ZNF804A: variants seen among roughly 807,000 people sequenced by gnomAD.
ZNF804A encodes the protein zinc finger protein 804A.
A neutral mutation model predicts 16.5 loss-of-function variants in ZNF804A; 2 were observed. The ratio of observed to expected loss-of-function variants is 0.12; its 90% CI spans 0.05 to 0.38. The LOEUF is 0.38. Ranked by LOEUF, ZNF804A falls within the 10% of genes least tolerant of loss-of-function variation. The pLI, the probability that ZNF804A is intolerant of heterozygous loss-of-function variation, is 0.99. For missense variants in ZNF804A, 1,473 were observed against 1,390.7 expected (o/e 1.06, Z -0.94); for synonymous variants, 534 against 489.6 (o/e 1.09, Z -1.20).
intron 1 of ZNF804A, among the ~76,000 whole-genome samples, chr2:184,726,019 T>C (rs1052803537): frequency 6.6e-6 from 1 of 151,736 alleles, no homozygotes; most frequent in Non-Finnish European, 1.5e-5. Flanking sequence ...CACAGTTTGC[T>C]TAAACATTCA....
chr2:184,638,879 C>A (rs1691745642), intron 1 of ZNF804A, among the ~76,000 whole-genome samples: 1 of 152,066 alleles, frequency 6.6e-6, no homozygotes, highest in Non-Finnish European at 1.5e-5. Flanking sequence ...CTTCATGAGG[C>A]CTCCATTCCC....
intron 1 of ZNF804A, among the ~76,000 whole-genome samples, chr2:184,819,193 A>C (rs1695032543): frequency 6.6e-6 from 1 of 151,886 alleles, no homozygotes. Flanking sequence ...CAGCAAATGC[A>C]AAAGAAAGGA....
At chr2:184,865,172 G>A (rs192364419) in intron 1 of ZNF804A, among the ~76,000 whole-genome samples, 43 of 152,082 alleles carry the variant, frequency 2.8e-4, no homozygotes, top group Admixed American at 7.2e-4. Context: ...GAGCCACGGC[G>A]CCAGGCCTAG....
chr2:184,722,497 AAC>A (rs1360883376), intron 1 of ZNF804A, among the ~76,000 whole-genome samples: 1 of 152,028 alleles, frequency 6.6e-6, no homozygotes, highest in Non-Finnish European at 1.5e-5. Flanking sequence ...TCTATAAATA[AAC>A]ACAATGAATC....
chr2:184,844,395 G>A (rs1337870018), intron 1 of ZNF804A, among the ~76,000 whole-genome samples: 4 of 152,100 alleles, frequency 2.6e-5, no homozygotes, highest in Admixed American at 2.0e-4. Flanking sequence ...AGTTTTTGCA[G>A]GGCACATTTG....
At chr2:184,886,253 C>T (rs1480320822) in intron 2 of ZNF804A, among the ~76,000 whole-genome samples, 2 of 152,232 alleles carry the variant, frequency 1.3e-5, no homozygotes, top group African/African-American at 4.8e-5. Flanking sequence ...TCCTTTGACT[C>T]CAGGTCTCAC....
intron 1 of ZNF804A, among the ~76,000 whole-genome samples, chr2:184,758,573 T>C (rs551241781): frequency 6.6e-6 from 1 of 152,086 alleles, no homozygotes; most frequent in East Asian, 1.9e-4. Context: ...AACAACAAAG[T>C]TACAAAGTTA....
chr2:184,725,065 T>A (rs1429929777), intron 1 of ZNF804A, among the ~76,000 whole-genome samples: 2 of 151,736 alleles, frequency 1.3e-5, no homozygotes, highest in Non-Finnish European at 3.0e-5. Context: ...CACTATTGAA[T>A]ATTAGAATAA....
intron 1 of ZNF804A, among the ~76,000 whole-genome samples, chr2:184,703,517 C>G (rs558512802): frequency 1.3e-5 from 2 of 151,472 alleles, no homozygotes; most frequent in South Asian, 4.2e-4. Context: ...GGTGAAACCC[C>G]GTCTCTACTA....
At chr2:184,605,847 A>G (rs1300812622) in intron 1 of ZNF804A, among the ~76,000 whole-genome samples, 1 of 152,162 alleles carries the variant, frequency 6.6e-6, no homozygotes, top group African/African-American at 2.4e-5. Context: ...CATTAATTTT[A>G]TAAATGTATT....
intron 1 of ZNF804A, among the ~76,000 whole-genome samples, chr2:184,842,903 C>T (rs982915236): frequency 1.3e-5 from 2 of 152,016 alleles, no homozygotes; most frequent in Non-Finnish European, 2.9e-5. Flanking sequence ...CAGTGAGCAC[C>T]ATAATGGTAG....
At chr2:184,661,722 C>T (rs533302277) in intron 1 of ZNF804A, among the ~76,000 whole-genome samples, 9 of 152,160 alleles carry the variant, frequency 5.9e-5, no homozygotes, top group Non-Finnish European at 1.3e-4. Context: ...GGTTTTCAGG[C>T]TGAATTCAAC....
chr2:184,700,730 T>C (rs1459469349), intron 1 of ZNF804A, among the ~76,000 whole-genome samples: 2 of 152,034 alleles, frequency 1.3e-5, no homozygotes, highest in African/African-American at 4.8e-5. Flanking sequence ...AAGAGGGCAG[T>C]TCTCATTTGA....
chr2:184,816,959 A>G (rs975319043), intron 1 of ZNF804A, among the ~76,000 whole-genome samples: 4 of 152,024 alleles, frequency 2.6e-5, no homozygotes, highest in Non-Finnish European at 5.9e-5. Context: ...GTGTTGAAAT[A>G]TATCTTAAGT....
chr2:184,660,263 CTAGAA>C (rs1264184498), intron 1 of ZNF804A, among the ~76,000 whole-genome samples: 1 of 152,180 alleles, frequency 6.6e-6, no homozygotes, highest in African/African-American at 2.4e-5. Flanking sequence ...TCAGATTCAA[CTAGAA>C]TAGGACATGT....
chr2:184,622,336 G>T (rs181115717), intron 1 of ZNF804A, among the ~76,000 whole-genome samples: 1 of 151,540 alleles, frequency 6.6e-6, no homozygotes, highest in African/African-American at 2.4e-5. Flanking sequence ...ATGGTTTTTC[G>T]ATTGCTTTCT....
At chr2:184,857,983 G>T (rs1695729082) in intron 1 of ZNF804A, among the ~76,000 whole-genome samples, 1 of 151,890 alleles carries the variant, frequency 6.6e-6, no homozygotes, top group Non-Finnish European at 1.5e-5. Flanking sequence ...AGAACTTATT[G>T]CTGTCTTCCT....
chr2:184,802,079 C>T (rs1317974893), intron 1 of ZNF804A, among the ~76,000 whole-genome samples: 1 of 152,142 alleles, frequency 6.6e-6, no homozygotes, highest in African/African-American at 2.4e-5. Flanking sequence ...CTGTAATCCA[C>T]TTTTATTATT....
chr2:184,658,469 T>A (rs565053607), intron 1 of ZNF804A, among the ~76,000 whole-genome samples: 1 of 152,162 alleles, frequency 6.6e-6, no homozygotes, highest in East Asian at 1.9e-4. Context: ...CCAGACTCCA[T>A]CTCGAGGAAA....
Sources: allele counts gnomAD v4.1 joint callset (sites outside exome capture counted in the v4.1 genomes callset), GRCh38; gene constraint gnomAD v4.1.1; transcripts MANE v1.5; gene names NCBI Gene and HGNC (gene_info 2026-07-23, HGNC 2026-07-21).